PCDHA1: variants seen among roughly 807,000 people sequenced by gnomAD.
The protein encoded by PCDHA1 is protocadherin alpha 1.
Under a neutral mutation model 61.3 loss-of-function variants are expected in PCDHA1, and 42 were observed. The ratio of observed to expected loss-of-function variants is 0.69; its 90% CI spans 0.54 to 0.89. PCDHA1 has a LOEUF of 0.89. Ranked by LOEUF, PCDHA1 falls within the 40% of genes least tolerant of loss-of-function variation. The probability of loss-of-function intolerance (pLI) is 0.00; values close to 1 mark genes in which losing one functional copy is unlikely to be tolerated. For missense variants in PCDHA1, 1,256 were observed against 1,235.3 expected (o/e 1.02, Z -0.25); for synonymous variants, 610 against 553.8 (o/e 1.10, Z -1.43).
chr5:140,816,333 A>T (rs940980796), intron 1 of PCDHA1: 1 of 152,166 alleles, frequency 6.6e-6, no homozygotes, highest in African/African-American at 2.4e-5. Flanking sequence ...TGTATTCTTC[A>T]GTTCCAAAAT....
In PCDHA1 at chr5:140,870,873, G is replaced by A. The variant is rs782065354; in HGVS notation, c.2394+82189G>A. 5 of 1,613,840 alleles carry A rather than the reference G, an allele frequency of 3.1e-6. No individual in the cohort carries two copies. The Admixed American group carries it at 5.0e-5, about 16-fold the overall frequency. On this transcript the variant is annotated intron_variant, in intron 1 of 3. Transcript: ENST00000504120. ...GGTCGGTGGGTGCGGGCCACGTGGTGGCGAAGGTGCGCGCAGTGGATGCGG... is the reference window on the plus strand; with the variant it reads ...GGTCGGTGGGTGCGGGCCACGTGGTAGCGAAGGTGCGCGCAGTGGATGCGG...
intron 1 of PCDHA1, among the ~76,000 whole-genome samples, chr5:140,921,599 G>A (rs2080288942): frequency 6.6e-6 from 1 of 152,036 alleles, no homozygotes; most frequent in African/African-American, 2.4e-5. Flanking sequence ...GGTTTCAAAG[G>A]TAATAAGAAA....
intron 1 of PCDHA1, chr5:140,822,689 G>T: frequency 6.2e-7 from 1 of 1,609,690 alleles, no homozygotes; most frequent in South Asian, 1.1e-5. Flanking sequence ...AAAGTTAACG[G>T]GGAACTGGAT....
chr5:140,928,733 A>G (rs1435823697), intron 1 of PCDHA1: 2 of 1,614,100 alleles, frequency 1.2e-6, no homozygotes, highest in Non-Finnish European at 1.7e-6. Context: ...ATTTCAGCCA[A>G]TATAGGTGAG....
intron 1 of PCDHA1, chr5:140,802,543 A>G (rs782666755): frequency 8.7e-6 from 14 of 1,614,044 alleles, no homozygotes; most frequent in Non-Finnish European, 1.1e-5. Context: ...GCCGACGTGA[A>G]CGACAATGCG....
chr5:140,843,170 A>T (rs2150354279), intron 1 of PCDHA1: 2 of 1,596,072 alleles, frequency 1.3e-6, no homozygotes. Context: ...AGCTGCAAGC[A>T]GCCCTCGCAT....
At chr5:140,913,317 TTGTA>T (rs1269286947) in intron 1 of PCDHA1, among the ~76,000 whole-genome samples, 2 of 152,152 alleles carry the variant, frequency 1.3e-5, no homozygotes, top group African/African-American at 4.8e-5. Flanking sequence ...CCTTGGTAAG[TTGTA>T]TGTGTCTAGG....
intron 1 of PCDHA1, chr5:140,843,271 G>A: frequency 6.3e-7 from 1 of 1,596,112 alleles, no homozygotes; most frequent in East Asian, 2.2e-5. Flanking sequence ...TGCTGGTCCT[G>A]GTGAAGGATC....
In PCDHA1 at chr5:140,807,239, C is replaced by T. The variant is rs782505608; in HGVS notation, c.2394+18555C>T. On this transcript the variant is annotated intron_variant, in intron 1 of 3. Transcript: ENST00000504120. ...GGAATCCCGGCGTCTGCTGCTCTTACTTCTTCTCCTCGCAGCCTGGGAGGC... is the reference window on the plus strand; with the variant it reads ...GGAATCCCGGCGTCTGCTGCTCTTATTTCTTCTCCTCGCAGCCTGGGAGGC... The T allele has an allele frequency of 8.1e-5, 131 of 1,613,964 alleles. No homozygotes were observed. The highest frequency in any genetic ancestry group is 1.8e-4 in the Admixed American group (11 of 60,002).
intron 1 of PCDHA1, chr5:140,868,465 T>A (rs1460620913): frequency 6.6e-6 from 1 of 152,416 alleles, no homozygotes; most frequent in Non-Finnish European, 1.5e-5. Context: ...AGAGCTGCTT[T>A]TATAAAACTT....
intron 1 of PCDHA1, among the ~76,000 whole-genome samples, chr5:140,924,898 AAAAAAAATAAAAT>A (rs1214088536): frequency 1.9e-4 from 10 of 53,034 alleles, no homozygotes; most frequent in Non-Finnish European, 1.3e-4. Context: ...CTGTCTCAAA[AAAAAAAATAAAAT>A]AAAATAAAAT....
chr5:140,941,175 C>G (rs1344326389), intron 1 of PCDHA1, among the ~76,000 whole-genome samples: 1 of 145,416 alleles, frequency 6.9e-6, no homozygotes, highest in Admixed American at 6.8e-5. Flanking sequence ...CCATCTTGAA[C>G]ATCCTGCTTC....
intron 1 of PCDHA1, among the ~76,000 whole-genome samples, chr5:140,962,106 C>T (rs1156902232): frequency 4.6e-5 from 7 of 152,130 alleles, no homozygotes; most frequent in Non-Finnish European, 7.4e-5. Context: ...AGGATGGTCT[C>T]GATCTCCTAA....
At chr5:140,814,785 GTTGTTATACAA>G (rs1765589219) in intron 1 of PCDHA1, 1 of 152,126 alleles carries the variant, frequency 6.6e-6, no homozygotes, top group Non-Finnish European at 1.5e-5. Context: ...TGGTTGAAAC[GTTGTTATACAA>G]CACTTGACTT....
intron 1 of PCDHA1, among the ~76,000 whole-genome samples, chr5:140,914,272 A>G (rs1356508399): frequency 2.0e-5 from 3 of 152,212 alleles, no homozygotes; most frequent in Non-Finnish European, 4.4e-5. Context: ...GGGTGCATAT[A>G]TATTTATAAT....
chr5:140,967,228 G>A (rs1316363900), intron 1 of PCDHA1: 3 of 1,613,652 alleles, frequency 1.9e-6, no homozygotes, highest in Non-Finnish European at 2.5e-6. Flanking sequence ...CCAACTACCA[G>A]CTTCAGGTAA....
Position 140,858,252 on chromosome 5 carries a change from C to A in PCDHA1, c.2394+69568C>A, listed in dbSNP as rs1554151333. On this transcript the variant is annotated intron_variant, in intron 1 of 3. Coordinates refer to ENST00000504120, the MANE Select transcript of PCDHA1 (RefSeq NM_018900.4). The stretch of plus-strand genomic sequence containing the variant: ...GAGGGCGCATGTGGGCCGGTGAAGC[C>A]CACGCTGGTGTGCTCTAGCGCGGTG... 3 of 1,596,744 alleles carry A rather than the reference C, an allele frequency of 1.9e-6. 1 individual carries two copies. The Admixed American group carries it at 5.1e-5, about 27-fold the overall frequency.
At chr5:140,926,512 C>T in intron 1 of PCDHA1, 1 of 197,914 alleles carries the variant, frequency 5.1e-6, no homozygotes. Context: ...GTCTCCCAGG[C>T]TCCGCCCTGC....
chr5:140,852,681 T>A, intron 1 of PCDHA1: 1 of 968,122 alleles, frequency 1.0e-6, no homozygotes, highest in Non-Finnish European at 1.2e-6. Context: ...TCACCTTGAA[T>A]ATAGTCTTAT....
Sources: gnomAD v4.1 joint callset for allele counts (sites outside exome capture counted in the v4.1 genomes callset) on GRCh38, gnomAD v4.1.1 for gene constraint, MANE v1.5 for transcripts, NCBI Gene and HGNC (gene_info 2026-07-23, HGNC 2026-07-21) for gene names.